Variants in PDE4B observed in about 807,000 individuals in gnomAD.
The protein encoded by PDE4B is 3',5'-cyclic-AMP phosphodiesterase 4B.
A neutral mutation model predicts 82.2 loss-of-function variants in PDE4B; 20 were observed. The ratio of observed to expected loss-of-function variants is 0.24; its 90% CI spans 0.17 to 0.35. PDE4B has a LOEUF of 0.35. Among genes scored for constraint, PDE4B ranks in the 10% least tolerant of loss-of-function variants. The pLI is 1.00. For missense variants in PDE4B, 655 were observed against 907.2 expected (o/e 0.72, Z 3.57); for synonymous variants, 320 against 318.9 (o/e 1.00, Z -0.04).
intron 7 of PDE4B, among the ~76,000 whole-genome samples, chr1:66,279,571 G>T (rs1288333356): frequency 6.6e-6 from 1 of 151,920 alleles, no homozygotes; most frequent in East Asian, 1.9e-4. Context: ...ATTGCAGTGA[G>T]CCAGGATTGC....
At chr1:66,311,710 T>G (rs1658683327) in intron 7 of PDE4B, among the ~76,000 whole-genome samples, 1 of 152,250 alleles carries the variant, frequency 6.6e-6, no homozygotes, top group Non-Finnish European at 1.5e-5. Context: ...GAATGCTGTG[T>G]CCTTTGTCAA....
chr1:66,292,888 A>G (rs1237081466), intron 7 of PDE4B, among the ~76,000 whole-genome samples: 1 of 152,192 alleles, frequency 6.6e-6, no homozygotes, highest in Non-Finnish European at 1.5e-5. Flanking sequence ...GGAAGTTTGA[A>G]TGAATTTAAG....
chr1:66,133,113 A>C (rs1384773325), intron 3 of PDE4B, among the ~76,000 whole-genome samples: 3 of 152,190 alleles, frequency 2.0e-5, no homozygotes, highest in South Asian at 2.1e-4. Flanking sequence ...AAGTGAAAAA[A>C]ATAGGAGGAA....
At chr1:65,849,368 G>A (rs1227110986) in intron 1 of PDE4B, among the ~76,000 whole-genome samples, 1 of 152,184 alleles carries the variant, frequency 6.6e-6, no homozygotes, top group African/African-American at 2.4e-5. Context: ...CAGGTTCACA[G>A]TGGCACTCCA....
intron 3 of PDE4B, among the ~76,000 whole-genome samples, chr1:66,121,226 G>A (rs1645703223): frequency 7.3e-6 from 1 of 136,164 alleles, no homozygotes; most frequent in Non-Finnish European, 1.5e-5. Flanking sequence ...GATAATTCAG[G>A]GGAAGGAATG....
chr1:66,230,686 A>C (rs908174078), intron 3 of PDE4B, among the ~76,000 whole-genome samples: 1 of 152,216 alleles, frequency 6.6e-6, no homozygotes, highest in African/African-American at 2.4e-5. Flanking sequence ...TTTTGTTGTA[A>C]GAACAAAAGT....
chr1:66,307,047 G>T (rs892847309), intron 7 of PDE4B, among the ~76,000 whole-genome samples: 5 of 152,124 alleles, frequency 3.3e-5, no homozygotes, highest in African/African-American at 1.2e-4. Context: ...TGACAATGGG[G>T]ACTAAGAAGA....
chr1:66,213,613 A>G (rs1650232087), intron 3 of PDE4B, among the ~76,000 whole-genome samples: 1 of 152,172 alleles, frequency 6.6e-6, no homozygotes, highest in Non-Finnish European at 1.5e-5. Context: ...TGAATATGTA[A>G]GCAATCACCA....
intron 3 of PDE4B, among the ~76,000 whole-genome samples, chr1:65,950,812 G>A (rs1648955114): frequency 6.6e-6 from 1 of 151,968 alleles, no homozygotes; most frequent in Non-Finnish European, 1.5e-5. Flanking sequence ...ACAGCAAATG[G>A]GAGATGGTAC....
chr1:66,030,733 G>A (rs1653727150), intron 3 of PDE4B, among the ~76,000 whole-genome samples: 1 of 152,158 alleles, frequency 6.6e-6, no homozygotes, highest in African/African-American at 2.4e-5. Flanking sequence ...CAGAGGATAG[G>A]ATAAAGAAAA....
chr1:66,218,061 G>T (rs1650644825), intron 3 of PDE4B, among the ~76,000 whole-genome samples: 1 of 152,072 alleles, frequency 6.6e-6, no homozygotes, highest in Non-Finnish European at 1.5e-5. Flanking sequence ...GAAAACTGGG[G>T]AATCAGCATT....
chr1:66,099,117 A>G (rs1249307729), intron 3 of PDE4B, among the ~76,000 whole-genome samples: 1 of 152,216 alleles, frequency 6.6e-6, no homozygotes, highest in East Asian at 1.9e-4. Context: ...TGCACCTATC[A>G]ACTCATCACC....
At chr1:65,921,272 A>G (rs971497319) in intron 3 of PDE4B, among the ~76,000 whole-genome samples, 5 of 152,076 alleles carry the variant, frequency 3.3e-5, no homozygotes, top group African/African-American at 4.8e-5. Context: ...CCGGCCCTAA[A>G]AGCATTTCTG....
At chr1:66,135,338 C>A (rs1469575255) in intron 3 of PDE4B, among the ~76,000 whole-genome samples, 1 of 152,048 alleles carries the variant, frequency 6.6e-6, no homozygotes, top group Non-Finnish European at 1.5e-5. Flanking sequence ...ATAGATAACC[C>A]TAATGAAGGG....
At chr1:65,837,183 C>A (rs1325886904) in intron 1 of PDE4B, among the ~76,000 whole-genome samples, 1 of 151,758 alleles carries the variant, frequency 6.6e-6, no homozygotes, top group African/African-American at 2.4e-5. Flanking sequence ...ATATATACTG[C>A]CCTAGAGATT....
chr1:66,311,635 C>T (rs1658678302), intron 7 of PDE4B, among the ~76,000 whole-genome samples: 1 of 152,270 alleles, frequency 6.6e-6, no homozygotes, highest in Non-Finnish European at 1.5e-5. Context: ...TGCCCAGCAG[C>T]AGCAGTCTCT....
intron 8 of PDE4B, among the ~76,000 whole-genome samples, chr1:66,349,154 G>A (rs998547960): frequency 8.5e-5 from 13 of 152,198 alleles, no homozygotes; most frequent in African/African-American, 2.9e-4. Flanking sequence ...ATTCAAATTT[G>A]TTTGATCTTT....
At chr1:65,897,373 C>A (rs921298266) in intron 1 of PDE4B, among the ~76,000 whole-genome samples, 3 of 152,070 alleles carry the variant, frequency 2.0e-5, no homozygotes, top group African/African-American at 7.2e-5. Context: ...TAAAGGCATG[C>A]AATACAATTT....
chr1:66,130,891 G>T (rs1034285133), intron 3 of PDE4B, among the ~76,000 whole-genome samples: 5 of 152,152 alleles, frequency 3.3e-5, no homozygotes, highest in Non-Finnish European at 2.9e-5. Context: ...AAATCTTAAA[G>T]ATTCAGATTC....
Sources: gnomAD v4.1 joint callset for allele counts (sites outside exome capture counted in the v4.1 genomes callset) on GRCh38, gnomAD v4.1.1 for gene constraint, MANE v1.5 for transcripts, NCBI Gene and HGNC (gene_info 2026-07-23, HGNC 2026-07-21) for gene names.